Variants in RFC5 observed in about 807,000 individuals in gnomAD.
RFC5 encodes replication factor C subunit 5.
In RFC5, 26 loss-of-function variants were observed where a neutral mutation model predicts 44.3. The observed-to-expected ratio is 0.59, with a 90% CI of 0.43 to 0.81. The LOEUF (loss-of-function observed/expected upper bound fraction) is 0.81, where lower values mean the gene tolerates loss of function less well. Among genes scored for constraint, RFC5 ranks in the 40% least tolerant of loss-of-function variants. RFC5 has a pLI of 0.00. For synonymous variants in RFC5, 155 were observed against 155.2 expected (o/e 1.00, Z 0.01); for missense variants, 328 against 418.6 (o/e 0.78, Z 1.89).
In RFC5 at chr12:118,016,708, T is replaced by G; in HGVS notation, c.-120T>G. On this transcript the variant is annotated 5_prime_UTR_variant, in exon 1 of 11. Coordinates refer to ENST00000454402, the MANE Select transcript of RFC5 (RefSeq NM_007370.7). Reference sequence around the variant, plus strand: ...AACTGGTGGCCGCGTCTCGCGAGAGTTGCTTTTGCGCGCGAACTGTAAGTG... The same window carrying G: ...AACTGGTGGCCGCGTCTCGCGAGAGGTGCTTTTGCGCGCGAACTGTAAGTG... 14 of 798,918 alleles carry G rather than the reference T, an allele frequency of 1.8e-5. No individual in the cohort carries two copies. Among genetic ancestry groups the G allele is most frequent in the East Asian group, 1.1e-4 (4 of 35,380 alleles). 49.5% of individuals were successfully genotyped at this position (798,918 alleles called of 1,614,324 possible).
chr12:118,025,095 G>A (rs753406534), intron 6 of RFC5, 85 bp downstream of exon 6: 94 of 1,380,424 alleles, frequency 6.8e-5, no homozygotes, highest in Non-Finnish European at 9.2e-5. Flanking sequence ...TAGAGGAGAG[G>A]AATGTTGGAA....
At chr12:118,037,695 AAAG>A (rs1025368793), downstream of RFC5, among the ~76,000 whole-genome samples, 1 of 151,964 alleles carries the variant, frequency 6.6e-6, no homozygotes, top group Non-Finnish European at 1.5e-5. Flanking sequence ...AAAGAAAAGA[AAAG>A]AAAACCCTCC....
In RFC5 at chr12:118,032,127, TCTTC is replaced by T. The variant is rs1218198598; in HGVS notation, c.*853_*856del. ...CCTGGCTGGCTGTGTTACAAGTGAC[TCTTC>T]CTTAGACAGCTAGAAAGATGCTGAC... On this transcript the variant is annotated 3_prime_UTR_variant, in exon 11 of 11. Transcript: ENST00000454402. 6.6e-6 allele frequency: 1 copy of T among 152,224 alleles called. No homozygotes were observed. Among genetic ancestry groups the T allele is most frequent in the South Asian group, 2.1e-4 (1 of 4,832 alleles). 9.4% of individuals were successfully genotyped at this position (152,224 alleles called of 1,614,324 possible).
At position 118,026,883 on chromosome 12, in the gene RFC5, A is replaced by G. The variant is rs5745870; in HGVS notation, c.664-6A>G. Reference sequence around the variant, plus strand: ...TGATCTCCCCTTTCCCCCTCTGTCTACACAGAGCACCAATATGGCCTTTGG... The same window carrying G: ...TGATCTCCCCTTTCCCCCTCTGTCTGCACAGAGCACCAATATGGCCTTTGG... On this transcript the variant is annotated splice_polypyrimidine_tract_variant and splice_region_variant and intron_variant, in intron 7 of 10. Coordinates refer to ENST00000454402, the MANE Select transcript of RFC5 (RefSeq NM_007370.7). 0.33 allele frequency: 534,774 copies of G among 1,612,620 alleles called. 91,471 individuals are homozygous for G. The highest frequency in any genetic ancestry group is 0.51 in the East Asian group (22,868 of 44,812).
At chr12:118,016,930 GC>G (rs754673092) in intron 1 of RFC5, 38 bp downstream of exon 1, 3 of 1,566,766 alleles carry the variant, frequency 1.9e-6, no homozygotes, top group Non-Finnish European at 1.8e-6. Context: ...GGCAGAGGGG[GC>G]CAGGCGGCCG....
intron 5 of RFC5, 165 bp from the exon 6 acceptor site, chr12:118,024,686 C>T: frequency 1.7e-6 from 1 of 596,622 alleles, no homozygotes; most frequent in Non-Finnish European, 2.9e-6. Flanking sequence ...GCTGGGATTA[C>T]AGACGTGAGC....
At chr12:118,029,727 C>T (rs753812869) in intron 9 of RFC5, 44 bp from the exon 10 acceptor site, 1 of 1,315,636 alleles carries the variant, frequency 7.6e-7, no homozygotes, top group African/African-American at 1.5e-5. Flanking sequence ...GGTTTTTTGA[C>T]AGTAGAGAGT....
In RFC5 at chr12:118,026,916, A is replaced by T. The variant is rs1278232108; in HGVS notation, c.691A>T (p.Thr231Ser). 1 of 1,613,836 alleles carries T rather than the reference A, an allele frequency of 6.2e-7. No homozygotes were observed. Among genetic ancestry groups the T allele is most frequent in the East Asian group, 2.2e-5 (1 of 44,856 alleles). The change falls in exon 8 of 11, where the codon ACA becomes TCA. Residue 231 changes from threonine (T) to serine (S), a missense_variant. Transcript: ENST00000454402. The part of the protein sequence containing the change: ...QSTNMAFGKV[T>S]EETVYTCTGH... ...CACCAATATGGCCTTTGGGAAGGTG[A>T]CAGAGGAGACTGTCTACACCTGCAC...
At chr12:118,028,150 G>A in intron 9 of RFC5, 120 bp downstream of exon 9, 1 of 691,252 alleles carries the variant, frequency 1.4e-6, no homozygotes, top group Admixed American at 2.1e-5. Flanking sequence ...TTGTAAATCA[G>A]ACCCTTCTTG....
At chr12:118,020,144 C>A (rs568830578) in intron 3 of RFC5, among the ~76,000 whole-genome samples, 60 of 152,340 alleles carry the variant, frequency 3.9e-4, no homozygotes, top group African/African-American at 1.4e-3. Flanking sequence ...TACCCTCTGG[C>A]TCCTGGTTGG....
chr12:118,035,231 G>A (rs141172203), downstream of RFC5: 28 of 1,614,086 alleles, frequency 1.7e-5, no homozygotes, highest in African/African-American at 3.7e-4. Flanking sequence ...CTGCCACCGT[G>A]GCAAGGTACA....
At chr12:118,033,699 A>G (rs1306135617), downstream of RFC5, 1 of 153,732 alleles carries the variant, frequency 6.5e-6, no homozygotes, top group East Asian at 1.9e-4. Context: ...CCAAGAAGAA[A>G]AGCACTTGGC....
chr12:118,036,457 A>G, downstream of RFC5: 1 of 1,614,182 alleles, frequency 6.2e-7, no homozygotes, highest in Non-Finnish European at 8.5e-7. Flanking sequence ...CACTGCTTTG[A>G]TGGCCCTCTA....
In RFC5 at chr12:118,031,244, A is replaced by G. The variant is rs1776179042; in HGVS notation, c.989A>G (p.Gln330Arg). The G allele has an allele frequency of 1.9e-6, 3 of 1,613,672 alleles. No homozygotes were observed. Among genetic ancestry groups the G allele is most frequent in the Non-Finnish European group, 2.5e-6 (3 of 1,179,794 alleles). The change falls in exon 11 of 11, where the codon CAA (glutamine) becomes CGA (arginine). Residue 330 changes from glutamine to arginine, a missense_variant. Gln to Arg is a conservative substitution (Grantham distance 43). Coordinates refer to ENST00000454402, the MANE Select transcript of RFC5 (RefSeq NM_007370.7). ...IQLSSLIAAF[Q>R]VTRDLIVAEA is the part of the protein sequence containing the mutation. Reference sequence around the variant, plus strand: ...CTGAGCTCCCTCATTGCTGCATTTCAAGTCACCAGAGACCTGATTGTTGCA... The same window carrying G: ...CTGAGCTCCCTCATTGCTGCATTTCGAGTCACCAGAGACCTGATTGTTGCA...
intron 8 of RFC5, 34 bp downstream of exon 8, chr12:118,027,052 C>T: frequency 6.3e-7 from 1 of 1,598,890 alleles, no homozygotes; most frequent in South Asian, 1.1e-5. Context: ...GCCACCGAGA[C>T]CTGAAGGTGG....
chr12:118,020,878 T>G, intron 3 of RFC5, 28 bp from the exon 4 acceptor site: 1 of 1,501,816 alleles, frequency 6.7e-7, no homozygotes, highest in Non-Finnish European at 9.3e-7. Context: ...ACATGGTTTT[T>G]GTTTTGTCTT....
intron 4 of RFC5, among the ~76,000 whole-genome samples, chr12:118,021,883 G>C (rs986054874): frequency 1.3e-5 from 2 of 152,120 alleles, no homozygotes; most frequent in African/African-American, 4.8e-5. Flanking sequence ...CTTGAACCCA[G>C]GAGGCAGAGG....
At chr12:118,028,498 AAC>A (rs1229839085) in intron 9 of RFC5, among the ~76,000 whole-genome samples, 1 of 151,736 alleles carries the variant, frequency 6.6e-6, no homozygotes, top group Non-Finnish European at 1.5e-5. Context: ...AAAAAAACAA[AAC>A]AAAACACAAA....
the RFC5 span, among the ~76,000 whole-genome samples, chr12:118,039,813 G>A: frequency 4.0e-5 from 6 of 151,004 alleles, no homozygotes; most frequent in African/African-American, 7.3e-5. Flanking sequence ...GCATGATCCC[G>A]GCTCACTGCA....
Sources: allele counts gnomAD v4.1 joint callset (sites outside exome capture counted in the v4.1 genomes callset), GRCh38; gene constraint gnomAD v4.1.1; transcripts MANE v1.5; gene names NCBI Gene and HGNC (gene_info 2026-07-23, HGNC 2026-07-21).